ARHGAP44: variants seen among roughly 807,000 people sequenced by gnomAD.
ARHGAP44 encodes Rho GTPase activating protein 44.
A neutral mutation model predicts 106.8 loss-of-function variants in ARHGAP44; 43 were observed. The observed-to-expected ratio is 0.40, with a 90% CI of 0.32 to 0.52. The LOEUF is 0.52. Ranked by LOEUF, ARHGAP44 falls within the 20% of genes least tolerant of loss-of-function variation. The pLI, the probability that ARHGAP44 is intolerant of heterozygous loss-of-function variation, is 0.48. For synonymous variants in ARHGAP44, 439 were observed against 410.3 expected (o/e 1.07, Z -0.85); for missense variants, 866 against 1,050.5 (o/e 0.82, Z 2.43).
At chr17:12,814,093 A>G (rs948489054) in intron 1 of ARHGAP44, among the ~76,000 whole-genome samples, 4 of 149,522 alleles carry the variant, frequency 2.7e-5, no homozygotes, top group Non-Finnish European at 5.9e-5. Context: ...TTCTTAATTC[A>G]TCTCCCTTTT....
At chr17:12,856,989 C>CT (rs978068136) in intron 1 of ARHGAP44, among the ~76,000 whole-genome samples, 1 of 152,062 alleles carries the variant, frequency 6.6e-6, no homozygotes, top group East Asian at 1.9e-4. Context: ...AATGAACATA[C>CT]TTTTTTCAAG....
intron 1 of ARHGAP44, among the ~76,000 whole-genome samples, chr17:12,797,186 G>A (rs2033949886): frequency 6.6e-6 from 1 of 152,030 alleles, no homozygotes; most frequent in Admixed American, 6.5e-5. Flanking sequence ...TTGTTCTTCA[G>A]TGTTATGTCT....
At chr17:12,923,819 T>A (rs2038157240) in intron 6 of ARHGAP44, among the ~76,000 whole-genome samples, 1 of 152,064 alleles carries the variant, frequency 6.6e-6, no homozygotes. Flanking sequence ...AACTCCTCAC[T>A]CTTAGCCCGT....
At chr17:12,831,096 G>A (rs987873232) in intron 1 of ARHGAP44, among the ~76,000 whole-genome samples, 12 of 152,224 alleles carry the variant, frequency 7.9e-5, no homozygotes, top group Admixed American at 3.3e-4. Flanking sequence ...TAAGTATTGA[G>A]TGTTTACTAT....
rs1598173210 is a variant in ARHGAP44, at chr17:12,989,101, C to CGAAAAAAAAAAAAAAAAA, written c.2318-931_2318-930insGAAAAAAAAAAAAAAAAA. ...GACAAGAGCGAAACTCCACCCCCCC[C>CGAAAAAAAAAAAAAAAAA]AAAAAAAAAAAAAAAAAAAAAAAAC... On this transcript the variant is annotated intron_variant, in intron 20 of 20. Coordinates refer to ENST00000379672, the MANE Select transcript of ARHGAP44 (RefSeq NM_014859.6). 5.8e-4 allele frequency among the ~76,000 whole-genome samples: 26 copies of CGAAAAAAAAAAAAAAAAA among 45,164 alleles called. 1 individual carries two copies. The highest frequency in any genetic ancestry group is 6.8e-4 in the African/African-American group (8 of 11,748). 29.6% of individuals were successfully genotyped at this position (45,164 alleles called of 152,430 possible). A position where few individuals can be genotyped will look rare whatever the true frequency, so the allele number is the denominator to read the frequency against.
chr17:12,933,424 A>G (rs2038456730), intron 7 of ARHGAP44, among the ~76,000 whole-genome samples: 1 of 152,176 alleles, frequency 6.6e-6, no homozygotes, highest in South Asian at 2.1e-4. Flanking sequence ...GACAAAACCC[A>G]CTGAGCCCTC....
At chr17:12,925,159 C>T (rs960011529) in intron 6 of ARHGAP44, among the ~76,000 whole-genome samples, 15 of 152,156 alleles carry the variant, frequency 9.9e-5, no homozygotes, top group Admixed American at 9.8e-4. Context: ...CATGTCTCCC[C>T]ACTATGAGCC....
intron 6 of ARHGAP44, among the ~76,000 whole-genome samples, chr17:12,922,984 A>G (rs1567689075): frequency 6.6e-6 from 1 of 152,172 alleles, no homozygotes; most frequent in Non-Finnish European, 1.5e-5. Flanking sequence ...CATCTCCTGT[A>G]TATTAAAATC....
At chr17:12,874,165 TAGAA>T (rs142247757) in intron 1 of ARHGAP44, among the ~76,000 whole-genome samples, 1,690 of 152,242 alleles carry the variant, frequency 0.011, 25 homozygotes, top group Admixed American at 0.033. Flanking sequence ...GCATTCAAAA[TAGAA>T]AGAAGAAAAA....
intron 7 of ARHGAP44, 125 bp from the exon 8 acceptor site, chr17:12,940,931 A>G (rs2038689835): frequency 8.4e-6 from 6 of 712,298 alleles, no homozygotes; most frequent in Non-Finnish European, 1.4e-5. Context: ...TTTGTATCAT[A>G]TCAAGTATTA....
At chr17:12,874,197 C>G (rs963113088) in intron 1 of ARHGAP44, among the ~76,000 whole-genome samples, 2 of 152,154 alleles carry the variant, frequency 1.3e-5, no homozygotes, top group African/African-American at 4.8e-5. Flanking sequence ...ACGGTTGAGT[C>G]TTAATCATTT....
At chr17:12,881,079 A>AT (rs145561916) in intron 1 of ARHGAP44, among the ~76,000 whole-genome samples, 63 of 148,640 alleles carry the variant, frequency 4.2e-4, no homozygotes, top group East Asian at 8.0e-4. Flanking sequence ...TTTAGGGTTG[A>AT]TTTTTTTTTC....
chr17:12,953,578 C>T (rs768125495), intron 13 of ARHGAP44, among the ~76,000 whole-genome samples: 1 of 152,170 alleles, frequency 6.6e-6, no homozygotes, highest in South Asian at 2.1e-4. Flanking sequence ...CACTCGTATT[C>T]GTAGCAGCAG....
At chr17:12,936,976 G>C (rs1256991497) in intron 7 of ARHGAP44, among the ~76,000 whole-genome samples, 1 of 152,202 alleles carries the variant, frequency 6.6e-6, no homozygotes. Context: ...TATTATAAAA[G>C]AAACAGCGGT....
At chr17:12,944,838 C>T (rs1235198050) in intron 10 of ARHGAP44, among the ~76,000 whole-genome samples, 1 of 151,732 alleles carries the variant, frequency 6.6e-6, no homozygotes, top group Non-Finnish European at 1.5e-5. Flanking sequence ...CATCTTCCTT[C>T]TCTTCTTCTG....
At chr17:12,938,893 A>G (rs2038627673) in intron 7 of ARHGAP44, among the ~76,000 whole-genome samples, 1 of 152,194 alleles carries the variant, frequency 6.6e-6, no homozygotes. Flanking sequence ...TCCTGAGGGC[A>G]CATATAGATT....
chr17:12,845,562 A>G (rs963963157), intron 1 of ARHGAP44, among the ~76,000 whole-genome samples: 4 of 151,896 alleles, frequency 2.6e-5, no homozygotes, highest in Non-Finnish European at 5.9e-5. Context: ...ACCTAAACCC[A>G]TAAAGACAAG....
intron 1 of ARHGAP44, among the ~76,000 whole-genome samples, chr17:12,894,034 GA>G (rs2037127012): frequency 6.6e-6 from 1 of 151,866 alleles, no homozygotes; most frequent in South Asian, 2.1e-4. Flanking sequence ...CTTCCTCCTG[GA>G]AGCAGAAGTC....
At chr17:12,935,801 G>C (rs771560657) in intron 7 of ARHGAP44, among the ~76,000 whole-genome samples, 9 of 152,070 alleles carry the variant, frequency 5.9e-5, no homozygotes, top group Non-Finnish European at 1.3e-4. Context: ...AGAATGTTAA[G>C]GTGAGAGCCA....
Sources: gnomAD v4.1 joint callset for allele counts (sites outside exome capture counted in the v4.1 genomes callset) on GRCh38, gnomAD v4.1.1 for gene constraint, MANE v1.5 for transcripts, NCBI Gene and HGNC (gene_info 2026-07-23, HGNC 2026-07-21) for gene names.